MTERF4: variants seen among roughly 807,000 people sequenced by gnomAD.
MTERF4 encodes transcription termination factor 4, mitochondrial.
MTERF4 carries 17 observed loss-of-function variants against 22.5 expected under a neutral mutation model. The ratio of observed to expected loss-of-function variants is 0.75; its 90% CI spans 0.52 to 1.13. MTERF4 has a LOEUF of 1.13. Among genes scored for constraint, MTERF4 ranks in the 50% most tolerant of loss-of-function variants. The pLI, the probability that MTERF4 is intolerant of heterozygous loss-of-function variation, is 0.00. For missense variants in MTERF4, 420 were observed against 466.8 expected, an observed-to-expected ratio of 0.90 and a Z score of 0.92; for synonymous variants, 165 against 175.3, an observed-to-expected ratio of 0.94 and a Z score of 0.47.
the MTERF4 span, among the ~76,000 whole-genome samples, chr2:241,057,380 A>AATATAT: frequency 0.017 from 1,981 of 117,976 alleles, 42 homozygotes; most frequent in African/African-American, 0.038. Context: ...TCCATCTCAA[A>AATATAT]ATATATATAT....
At chr2:241,081,909 CAG>C in intron 4 of MTERF4, 1 of 785,504 alleles carries the variant, frequency 1.3e-6, no homozygotes, top group Non-Finnish European at 2.1e-6. Flanking sequence ...AGGTGCCAGA[CAG>C]GGAGTCTGGT....
the MTERF4 span, among the ~76,000 whole-genome samples, chr2:241,059,673 A>G: frequency 8.6e-3 from 1,311 of 152,394 alleles, 5 homozygotes; most frequent in Non-Finnish European, 0.013. Flanking sequence ...GAGATGAAAG[A>G]GAAAACTATA....
downstream of MTERF4, among the ~76,000 whole-genome samples, chr2:241,090,802 G>T (rs1397738266): frequency 5.3e-5 from 8 of 151,854 alleles, no homozygotes; most frequent in Admixed American, 5.2e-4. Context: ...GGAAGGCAGA[G>T]GTTGCAGTGG....
downstream of MTERF4, among the ~76,000 whole-genome samples, chr2:241,068,449 C>T (rs886610163): frequency 1.1e-4 from 17 of 151,984 alleles, no homozygotes; most frequent in African/African-American, 3.9e-4. This position sits in a 1 kb window ranked among gnomAD's most constrained non-coding sequence, Gnocchi z 5.3. Context: ...TCGTGCTCAG[C>T]GCAGGCAGGG....
downstream of MTERF4, chr2:241,087,703 G>C (rs923868725): frequency 2.2e-6 from 3 of 1,363,034 alleles, no homozygotes; most frequent in African/African-American, 4.4e-5. Context: ...GGTGCTGGGG[G>C]GGGTCACTCT....
chr2:241,080,607 G>A (rs1452416084), intron 4 of MTERF4, among the ~76,000 whole-genome samples: 1 of 152,246 alleles, frequency 6.6e-6, no homozygotes, highest in African/African-American at 2.4e-5. Context: ...CATGTCCTGA[G>A]GGCGGGGAGC....
the MTERF4 span, among the ~76,000 whole-genome samples, chr2:241,067,046 T>C: frequency 6.6e-6 from 1 of 152,132 alleles, no homozygotes; most frequent in African/African-American, 2.4e-5. Context: ...CTGGGCTGTT[T>C]TAGGAAGAAG....
chr2:241,089,891 G>T (rs2063801667), downstream of MTERF4: 3 of 1,504,900 alleles, frequency 2.0e-6, no homozygotes, highest in South Asian at 2.6e-5. Context: ...GAATACTGTA[G>T]GCGGTCGTAA....
At chr2:241,079,710 T>G (rs536871822) in intron 4 of MTERF4, among the ~76,000 whole-genome samples, 1 of 152,228 alleles carries the variant, frequency 6.6e-6, no homozygotes, top group South Asian at 2.1e-4. Context: ...TAAGTAAACC[T>G]AGTTATCATG....
At chr2:241,087,449 C>A, downstream of MTERF4, 1 of 1,603,008 alleles carries the variant, frequency 6.2e-7, no homozygotes, top group South Asian at 1.1e-5. Context: ...GCTGTGAAAG[C>A]ACAAGCCTCA....
downstream of MTERF4, among the ~76,000 whole-genome samples, chr2:241,068,325 A>AC (rs2062550219): frequency 1.5e-5 from 2 of 135,656 alleles, no homozygotes; most frequent in South Asian, 4.6e-4. The surrounding 1 kb of genome is among the most constrained non-coding windows in gnomAD (Gnocchi z 5.3). Flanking sequence ...CCCACAGTGG[A>AC]CCCCTCAGAG....
At chr2:241,071,907 T>C, downstream of MTERF4, 1 of 1,554,848 alleles carries the variant, frequency 6.4e-7, no homozygotes, top group Non-Finnish European at 8.8e-7. Context: ...CCACCCACCT[T>C]GGTGGCCCAC....
At chr2:241,070,927 A>T (rs897563623), downstream of MTERF4, among the ~76,000 whole-genome samples, 1 of 152,184 alleles carries the variant, frequency 6.6e-6, no homozygotes, top group Non-Finnish European at 1.5e-5. Context: ...CTCCTCCCCA[A>T]CCCGTGAGGC....
At chr2:241,081,724 TG>T in intron 4 of MTERF4, 1 of 1,609,848 alleles carries the variant, frequency 6.2e-7, no homozygotes, top group Non-Finnish European at 8.5e-7. Flanking sequence ...CGGAGGCACT[TG>T]TGTGCCGGGC....
chr2:241,072,651 G>T (rs1026659578), exon 5 of MTERF4: 23 of 218,608 alleles, frequency 1.1e-4, no homozygotes, highest in African/African-American at 4.7e-4. Flanking sequence ...CCTGCCGCAC[G>T]GTGAGCAGGG....
At chr2:241,077,944 T>A (rs2063106412) in intron 4 of MTERF4, among the ~76,000 whole-genome samples, 1 of 152,182 alleles carries the variant, frequency 6.6e-6, no homozygotes, top group Non-Finnish European at 1.5e-5. Context: ...AACCAATAGT[T>A]ACCGCATGAC....
At chr2:241,056,393 G>A in the MTERF4 span, among the ~76,000 whole-genome samples, 1 of 152,154 alleles carries the variant, frequency 6.6e-6, no homozygotes, top group Non-Finnish European at 1.5e-5. Flanking sequence ...TGGGATTACA[G>A]GCATGAACCA....
At chr2:241,053,335 G>T in the MTERF4 span, 3 of 1,557,524 alleles carry the variant, frequency 1.9e-6, no homozygotes. Flanking sequence ...TGGTGATTCT[G>T]TGGGCCCTTG....
At chr2:241,088,507 C>A, downstream of MTERF4, 1 of 939,256 alleles carries the variant, frequency 1.1e-6, no homozygotes, top group Non-Finnish European at 1.7e-6. Context: ...TTACTCAGCA[C>A]TGCTAAAGGA....
Sources: allele counts gnomAD v4.1 joint callset (sites outside exome capture counted in the v4.1 genomes callset), GRCh38; gene constraint gnomAD v4.1.1; non-coding constraint Gnocchi (gnomAD v3.1); transcripts MANE v1.5; gene names NCBI Gene and HGNC (gene_info 2026-07-23, HGNC 2026-07-21).